Variants in PHF20L1 observed in about 807,000 individuals in gnomAD.
PHF20L1 encodes the protein PHD finger protein 20-like protein 1.
A neutral mutation model predicts 125.5 loss-of-function variants in PHF20L1; 44 were observed. The observed-to-expected ratio is 0.35, with a 90% CI of 0.28 to 0.45. The LOEUF is 0.45. PHF20L1 is among the 20% of genes least tolerant of loss of function. The probability of loss-of-function intolerance (pLI) is 1.00; values close to 1 mark genes in which losing one functional copy is unlikely to be tolerated. For missense variants in PHF20L1, 1,012 were observed against 1,217.2 expected (o/e 0.83, Z 2.51); for synonymous variants, 380 against 403.1 (o/e 0.94, Z 0.69).
intron 2 of PHF20L1, among the ~76,000 whole-genome samples, chr8:132,791,528 C>T (rs932521760): frequency 6.6e-6 from 1 of 152,146 alleles, no homozygotes; most frequent in African/African-American, 2.4e-5. Context: ...GCTGGGATTA[C>T]AGGCATGAGC....
chr8:132,821,135 A>C (rs1002734235), intron 12 of PHF20L1, among the ~76,000 whole-genome samples: 3 of 151,930 alleles, frequency 2.0e-5, no homozygotes, highest in South Asian at 4.1e-4. Context: ...ATTCGATGAA[A>C]TGCATCAGGC....
chr8:132,828,557 A>T (rs1367034418), intron 14 of PHF20L1, among the ~76,000 whole-genome samples: 1 of 152,112 alleles, frequency 6.6e-6, no homozygotes, highest in East Asian at 1.9e-4. Flanking sequence ...CTGTTATTTT[A>T]ATGCAGTTAT....
At chr8:132,807,694 G>A (rs900337986) in intron 8 of PHF20L1, 15 of 454,190 alleles carry the variant, frequency 3.3e-5, no homozygotes, top group Middle Eastern at 3.2e-4. Context: ...GGGAGCTCTG[G>A]GCTCTGTTCT....
At chr8:132,834,465 C>T (rs1452143876) in intron 15 of PHF20L1, among the ~76,000 whole-genome samples, 2 of 152,118 alleles carry the variant, frequency 1.3e-5, no homozygotes, top group African/African-American at 2.4e-5. Context: ...TCCTGAGTAG[C>T]TAAGACTACC....
intron 2 of PHF20L1, among the ~76,000 whole-genome samples, chr8:132,787,815 C>G (rs1334476597): frequency 6.6e-6 from 1 of 152,048 alleles, no homozygotes; most frequent in Non-Finnish European, 1.5e-5. Flanking sequence ...GAAACTAAAA[C>G]TTTTAAAGGG....
intron 12 of PHF20L1, among the ~76,000 whole-genome samples, chr8:132,821,878 A>T (rs1045466580): frequency 6.6e-6 from 1 of 151,916 alleles, no homozygotes; most frequent in African/African-American, 2.4e-5. Flanking sequence ...TAGTTTAAAA[A>T]TTACTATTCT....
At chr8:132,787,809 C>G (rs936803236) in intron 2 of PHF20L1, among the ~76,000 whole-genome samples, 1 of 152,042 alleles carries the variant, frequency 6.6e-6, no homozygotes, top group Admixed American at 6.6e-5. Flanking sequence ...TACCAGGAAA[C>G]TAAAACTTTT....
intron 20 of PHF20L1, among the ~76,000 whole-genome samples, chr8:132,845,204 A>G (rs184477892): frequency 4.1e-4 from 63 of 152,242 alleles, no homozygotes; most frequent in Non-Finnish European, 7.1e-4. Flanking sequence ...TAAAAACTAT[A>G]GAATATAATC....
chr8:132,838,131 AT>A (rs1243527973), intron 17 of PHF20L1: 1 of 198,194 alleles, frequency 5.0e-6, no homozygotes, highest in Non-Finnish European at 1.1e-5. Context: ...ATTTTAAAAT[AT>A]TTTTTCACTG....
At chr8:132,843,954 G>T in intron 19 of PHF20L1, 1 of 985,194 alleles carries the variant, frequency 1.0e-6, no homozygotes, top group Non-Finnish European at 1.2e-6. Context: ...AGGCATAGTG[G>T]AGGGAGGTGG....
intron 2 of PHF20L1, among the ~76,000 whole-genome samples, chr8:132,791,277 T>A (rs1048512150): frequency 2.9e-5 from 4 of 139,518 alleles, no homozygotes; most frequent in Admixed American, 7.0e-5. Flanking sequence ...TTTTTTTTTT[T>A]AATACGGAGT....
At chr8:132,797,474 T>C (rs1369640916) in intron 4 of PHF20L1, among the ~76,000 whole-genome samples, 1 of 151,908 alleles carries the variant, frequency 6.6e-6, no homozygotes, top group African/African-American at 2.4e-5. Context: ...GGAAATAGCA[T>C]GAGCAAAGGC....
chr8:132,788,133 C>G (rs1312871533), intron 2 of PHF20L1, among the ~76,000 whole-genome samples: 2 of 152,034 alleles, frequency 1.3e-5, no homozygotes, highest in Non-Finnish European at 2.9e-5. Flanking sequence ...ACTGCCTTGT[C>G]CAAGAGAACA....
intron 6 of PHF20L1, chr8:132,799,655 C>T (rs1832813511): frequency 6.6e-6 from 1 of 152,196 alleles, no homozygotes; most frequent in South Asian, 2.0e-4. Flanking sequence ...CGTATTTGTT[C>T]CATACCATGC....
Position 132,796,210 on chromosome 8 carries a change from A to G in PHF20L1, c.340+1393A>G, listed in dbSNP as rs913086220. On this transcript the variant is annotated intron_variant, in intron 4 of 20. Coordinates refer to ENST00000395386, the MANE Select transcript of PHF20L1 (RefSeq NM_016018.5). ...AAATAACAAGTGGGAGAGGCATGCC[A>G]TGTCATTTTAAGGAACTGCAGGTTG... Among the ~76,000 whole-genome samples the G allele has an allele frequency of 3.9e-5, 6 of 152,170 alleles. No homozygotes were observed. In the East Asian group the frequency reaches 7.7e-4, roughly 20 times the overall value.
chr8:132,797,607 C>T (rs1218478488), intron 4 of PHF20L1, among the ~76,000 whole-genome samples: 1 of 152,038 alleles, frequency 6.6e-6, no homozygotes, highest in African/African-American at 2.4e-5. Flanking sequence ...CAGAGTTTGG[C>T]ATTCTCAAAA....
In PHF20L1 at chr8:132,799,101, T is replaced by TCCCCACC. The variant is rs1832741590; in HGVS notation, c.439_440insCACCCCC (p.Gln147ProfsTer19). The TCCCCACC allele has an allele frequency of 6.2e-7, 1 of 1,609,380 alleles. No individual in the cohort carries two copies. Among genetic ancestry groups the TCCCCACC allele is most frequent in the South Asian group, 1.1e-5 (1 of 90,612 alleles). On this transcript the variant is annotated frameshift_variant, in exon 6 of 21. Transcript: ENST00000395386. LOFTEE classifies it high-confidence loss of function. ...TCACTAGTTTCTGTTCCAGGTGAAA[T>TCCCCACC]CCCAGCATCCACTAAGCTGGTGTTG...
At chr8:132,801,877 A>AT (rs887625519) in intron 6 of PHF20L1, among the ~76,000 whole-genome samples, 1 of 151,754 alleles carries the variant, frequency 6.6e-6, no homozygotes, top group Admixed American at 6.6e-5. Flanking sequence ...ACATATTTAA[A>AT]TTTAAAAGGT....
chr8:132,824,815 A>G (rs575532933), intron 13 of PHF20L1: 19 of 209,844 alleles, frequency 9.1e-5, no homozygotes, highest in Non-Finnish European at 1.7e-4. Context: ...GTTGTTTATG[A>G]ATTGATTTAA....
Sources: gnomAD v4.1 joint callset for allele counts (sites outside exome capture counted in the v4.1 genomes callset) on GRCh38, gnomAD v4.1.1 for gene constraint, MANE v1.5 for transcripts, NCBI Gene and HGNC (gene_info 2026-07-23, HGNC 2026-07-21) for gene names.